The following TBXAS1 variants were observed in gnomAD, a reference collection of about 807,000 sequenced individuals.
TBXAS1 encodes the protein thromboxane-A synthase.
A neutral mutation model predicts 60.7 loss-of-function variants in TBXAS1; 48 were observed. That is an observed-to-expected ratio of 0.79 (90% CI 0.63 to 1.01). The LOEUF is 1.01. Ranked by LOEUF, TBXAS1 falls within the 50% of genes least tolerant of loss-of-function variation. The pLI is 0.00. For synonymous variants in TBXAS1, 287 were observed against 269.7 expected, an observed-to-expected ratio of 1.06 and a Z score of -0.63; for missense variants, 685 against 686.3, an observed-to-expected ratio of 1.00 and a Z score of 0.02.
intron 4 of TBXAS1, among the ~76,000 whole-genome samples, chr7:139,805,350 G>T (rs377015023): frequency 6.6e-6 from 1 of 152,344 alleles, no homozygotes; most frequent in African/African-American, 2.4e-5. Flanking sequence ...TCTGACTCCA[G>T]AATTCATGGT....
In TBXAS1 at chr7:139,916,483, T is replaced by G. The variant is rs1805982462; in HGVS notation, c.333+5162T>G. Among the ~76,000 whole-genome samples the G allele has an allele frequency of 6.6e-6, 1 of 151,874 alleles. No homozygotes were observed. Among genetic ancestry groups the G allele is most frequent in the Non-Finnish European group, 1.5e-5 (1 of 67,992 alleles). On this transcript the variant is annotated intron_variant, in intron 4 of 12. Coordinates refer to ENST00000448866, the MANE Select transcript of TBXAS1 (RefSeq NM_001061.7). This position sits in a 1 kb window ranked among gnomAD's most constrained non-coding sequence, Gnocchi z 4.2. ...GAGCCACACCACTGACACACAAGAGTCACGTCCAAAGCCATGTGATGGACG... is the reference window on the plus strand; with the variant it reads ...GAGCCACACCACTGACACACAAGAGGCACGTCCAAAGCCATGTGATGGACG...
At chr7:140,018,134 A>G (rs973000998) in intron 12 of TBXAS1, among the ~76,000 whole-genome samples, 7 of 152,194 alleles carry the variant, frequency 4.6e-5, no homozygotes, top group African/African-American at 1.7e-4. Context: ...TTCTCTGCAC[A>G]CCAGGGCTGG....
intron 8 of TBXAS1, among the ~76,000 whole-genome samples, chr7:139,961,611 G>C (rs1025872576): frequency 6.6e-6 from 1 of 152,198 alleles, no homozygotes; most frequent in South Asian, 2.1e-4. Flanking sequence ...GACCGGCTTT[G>C]TTTTTACTTA....
intron 2 of TBXAS1, among the ~76,000 whole-genome samples, chr7:139,873,221 G>A (rs1801954698): frequency 6.6e-6 from 1 of 152,202 alleles, no homozygotes; most frequent in Admixed American, 6.5e-5. Flanking sequence ...CAGCAGCCTG[G>A]ACTGACTAGA....
At chr7:139,878,173 G>A (rs894072807) in intron 3 of TBXAS1, among the ~76,000 whole-genome samples, 7 of 150,796 alleles carry the variant, frequency 4.6e-5, no homozygotes, top group African/African-American at 7.3e-5. Context: ...GAGAGAGAGA[G>A]AAAAGGAGAG....
chr7:139,901,878 G>T (rs764733532), intron 3 of TBXAS1, among the ~76,000 whole-genome samples: 1 of 151,940 alleles, frequency 6.6e-6, no homozygotes, highest in Admixed American at 6.5e-5. Context: ...GATTAGTCTT[G>T]GTAGGGAGCT....
At chr7:139,879,553 T>A (rs77487466) in intron 3 of TBXAS1, among the ~76,000 whole-genome samples, 2,317 of 152,232 alleles carry the variant, frequency 0.015, 35 homozygotes, top group African/African-American at 0.033. Context: ...AAGAACAGAA[T>A]CAACATTATC....
chr7:139,785,627 G>A (rs1318785086), intron 3 of TBXAS1, among the ~76,000 whole-genome samples: 4 of 151,816 alleles, frequency 2.6e-5, no homozygotes, highest in Admixed American at 6.6e-5. Context: ...TCTCTCCCTC[G>A]TCTTTAATTC....
intron 4 of TBXAS1, among the ~76,000 whole-genome samples, chr7:139,933,897 G>A (rs2117178481): frequency 1.3e-5 from 2 of 152,214 alleles, no homozygotes; most frequent in African/African-American, 4.8e-5. Context: ...CCAATGGTGG[G>A]GGCTCCAGTT....
chr7:139,801,390 C>G (rs1050844637), intron 4 of TBXAS1, among the ~76,000 whole-genome samples: 18 of 152,046 alleles, frequency 1.2e-4, no homozygotes, highest in Non-Finnish European at 2.1e-4. Flanking sequence ...TTCTTTTTTT[C>G]TCTCTCCTTC....
intron 5 of TBXAS1, among the ~76,000 whole-genome samples, chr7:139,944,636 T>A (rs1359615526): frequency 6.6e-6 from 1 of 152,168 alleles, no homozygotes; most frequent in Non-Finnish European, 1.5e-5. Flanking sequence ...CTCTTTGTAG[T>A]AGCCCCAAGT....
chr7:139,784,011 G>GT (rs11340240), intron 3 of TBXAS1, among the ~76,000 whole-genome samples: 53,284 of 131,776 alleles, frequency 0.4, 11,192 homozygotes, highest in South Asian at 0.66. Flanking sequence ...AGTTTTTTTT[G>GT]TTTTTTTTTT....
intron 4 of TBXAS1, among the ~76,000 whole-genome samples, chr7:139,912,094 G>A (rs186128549): frequency 9.2e-5 from 14 of 152,286 alleles, no homozygotes; most frequent in Admixed American, 5.9e-4. Flanking sequence ...GCCGGGTGTG[G>A]TGGCACACAT....
At chr7:139,860,341 A>G (rs1222345316) in intron 1 of TBXAS1, among the ~76,000 whole-genome samples, 2 of 151,910 alleles carry the variant, frequency 1.3e-5, no homozygotes, top group Non-Finnish European at 2.9e-5. Context: ...CACAGTCCCC[A>G]CCCCAGACAC....
At chr7:139,990,219 G>C (rs901621083) in intron 9 of TBXAS1, among the ~76,000 whole-genome samples, 12 of 152,156 alleles carry the variant, frequency 7.9e-5, no homozygotes, top group Non-Finnish European at 1.5e-5. Context: ...TCAGGGCCTT[G>C]GCTCTGAAGG....
chr7:139,808,163 C>T (rs1256861721), intron 4 of TBXAS1, among the ~76,000 whole-genome samples: 1 of 150,952 alleles, frequency 6.6e-6, no homozygotes, highest in African/African-American at 2.4e-5. Flanking sequence ...AAAATCCCAT[C>T]TCTACAAAAA....
chr7:139,894,900 C>T (rs113753368), intron 3 of TBXAS1, among the ~76,000 whole-genome samples: 1 of 152,314 alleles, frequency 6.6e-6, no homozygotes, highest in Non-Finnish European at 1.5e-5. Flanking sequence ...GAAAATGTAT[C>T]ATTCATGTCT....
At chr7:139,889,922 T>C (rs1157672905) in intron 3 of TBXAS1, among the ~76,000 whole-genome samples, 1 of 152,090 alleles carries the variant, frequency 6.6e-6, no homozygotes, top group Non-Finnish European at 1.5e-5. Flanking sequence ...GCAAGGTGAC[T>C]TAGGAATGAA....
At chr7:139,854,679 T>C (rs746163956) in intron 1 of TBXAS1, among the ~76,000 whole-genome samples, 5 of 152,130 alleles carry the variant, frequency 3.3e-5, no homozygotes, top group Admixed American at 2.0e-4. Context: ...AACTTGGTGA[T>C]TGACTGCAGA....
Sources: gnomAD v4.1 joint callset for allele counts (sites outside exome capture counted in the v4.1 genomes callset) on GRCh38, gnomAD v4.1.1 for gene constraint, Gnocchi (gnomAD v3.1) non-coding constraint, MANE v1.5 for transcripts, NCBI Gene and HGNC (gene_info 2026-07-23, HGNC 2026-07-21) for gene names.